The following ITPR1 variants were observed in gnomAD, a reference collection of about 807,000 sequenced individuals.
ITPR1 encodes the protein inositol 1,4,5-trisphosphate receptor type 1, also known as inositol 1,4,5-trisphosphate-gated calcium channel ITPR1.
Under a neutral mutation model 318.4 loss-of-function variants are expected in ITPR1, and 96 were observed. That is an observed-to-expected ratio of 0.30 (90% CI 0.26 to 0.36). The LOEUF is 0.36. Ranked by LOEUF, ITPR1 falls within the 10% of genes least tolerant of loss-of-function variation. ITPR1 has a pLI of 1.00. For synonymous variants in ITPR1, 1,312 were observed against 1,289.9 expected (o/e 1.02, Z -0.37); for missense variants, 2,440 against 3,460.2 (o/e 0.71, Z 7.40).
At chr3:4,781,537 C>A (rs746667264) in intron 49 of ITPR1, among the ~76,000 whole-genome samples, 1 of 152,104 alleles carries the variant, frequency 6.6e-6, no homozygotes, top group Non-Finnish European at 1.5e-5. Context: ...GAAATGTGCT[C>A]AAACCATGAG....
chr3:4,682,741 C>G (rs577030723), intron 26 of ITPR1, among the ~76,000 whole-genome samples: 2 of 152,158 alleles, frequency 1.3e-5, no homozygotes, highest in African/African-American at 2.4e-5. Flanking sequence ...ATTTATAAGT[C>G]TTCTCTGTGC....
At chr3:4,622,558 G>A (rs923150252) in intron 4 of ITPR1, among the ~76,000 whole-genome samples, 10 of 151,410 alleles carry the variant, frequency 6.6e-5, no homozygotes, top group Non-Finnish European at 1.3e-4. Flanking sequence ...TGAGTAGCTG[G>A]GACTACAGAT....
rs1261956927 is a variant in ITPR1, at chr3:4,801,074, C to A, written c.7107+474C>A. Among the ~76,000 whole-genome samples the A allele has an allele frequency of 3.3e-5, 5 of 152,184 alleles. No individual in the cohort carries two copies. The East Asian group carries it at 9.6e-4, about 29-fold the overall frequency. ...GGAGAGGGAAGAGGAGAAGCAGAGA[C>A]AATTCTTTAAAAGTCAGTGGTGACA... On this transcript the variant is annotated intron_variant, in intron 54 of 61. Transcript: ENST00000649015.
chr3:4,699,782 G>T, intron 34 of ITPR1, 31 bp from the exon 35 acceptor site: 4 of 1,609,516 alleles, frequency 2.5e-6, no homozygotes, highest in Non-Finnish European at 3.4e-6. Context: ...AGGTTTTGGT[G>T]TAATGCTTAA....
At chr3:4,556,449 C>G (rs1372300278) in intron 4 of ITPR1, among the ~76,000 whole-genome samples, 1 of 152,032 alleles carries the variant, frequency 6.6e-6, no homozygotes, top group Non-Finnish European at 1.5e-5. Context: ...CTAAGAATCT[C>G]TGTGCTCCTC....
intron 12 of ITPR1, among the ~76,000 whole-genome samples, chr3:4,654,983 A>G (rs1239521368): frequency 1.3e-5 from 2 of 151,910 alleles, no homozygotes; most frequent in Non-Finnish European, 2.9e-5. Flanking sequence ...TGTCACCCCT[A>G]TTTCTAGAGT....
intron 5 of ITPR1, among the ~76,000 whole-genome samples, chr3:4,636,987 A>G (rs1017549245): frequency 2.0e-5 from 3 of 152,260 alleles, no homozygotes; most frequent in Non-Finnish European, 4.4e-5. Context: ...ACATAATATT[A>G]GCATTTCTTA....
chr3:4,576,019 C>CAAAAAAAAAAAAAAAAAAAAAAA (rs35517382), intron 4 of ITPR1, among the ~76,000 whole-genome samples: 1 of 80,780 alleles, frequency 1.2e-5, no homozygotes, highest in African/African-American at 3.8e-5. Flanking sequence ...GATGCTGTCT[C>CAAAAAAAAAAAAAAAAAAAAAAA]AAAAAAAAAA....
chr3:4,811,540 T>G lies in ITPR1; in HGVS notation c.7468+80T>G, dbSNP rs545979401. The G allele has an allele frequency of 3.8e-4, 441 of 1,170,202 alleles. 2 individuals are homozygous for G. Among genetic ancestry groups the G allele is most frequent in the Non-Finnish European group, 4.7e-4 (376 of 807,608 alleles). The allele number at this position is 1,170,202 out of a possible 1,614,324, so 72.5% of individuals were successfully genotyped here. ...AACTGAACTAAAGAAAATAACGACT[T>G]TAGTAATGCAGATATCTCCCCATTG... On this transcript the variant is annotated intron_variant, in intron 56 of 61. Transcript: ENST00000649015.
At chr3:4,632,285 A>G (rs951958831) in intron 5 of ITPR1, among the ~76,000 whole-genome samples, 1 of 152,206 alleles carries the variant, frequency 6.6e-6, no homozygotes, top group African/African-American at 2.4e-5. Context: ...CTTTTCTGGT[A>G]TAAAGATCAT....
At chr3:4,744,904 CCTTCCTTCCTTCCTTCCTTCCT>C (rs1214715237) in intron 44 of ITPR1, among the ~76,000 whole-genome samples, 10 of 4,516 alleles carry the variant, frequency 2.2e-3, no homozygotes, top group East Asian at 0.067. Context: ...CTCCCTCCTT[CCTTCCTTCCTTCCTTCCTTCCT>C]TCCTTCCTTC....
intron 2 of ITPR1, among the ~76,000 whole-genome samples, chr3:4,508,321 T>C (rs955152661): frequency 6.6e-6 from 1 of 152,108 alleles, no homozygotes; most frequent in East Asian, 1.9e-4. Context: ...TCTCATTTCC[T>C]CCCAAGCCTG....
chr3:4,494,110 G>A (rs2080362607), intron 1 of ITPR1, among the ~76,000 whole-genome samples: 1 of 152,232 alleles, frequency 6.6e-6, no homozygotes, highest in Non-Finnish European at 1.5e-5. Context: ...GAGGATGCGG[G>A]CTTCGGATAC....
At chr3:4,680,531 C>G (rs534302272) in intron 24 of ITPR1, 22 bp from the exon 25 acceptor site, 1 of 1,608,438 alleles carries the variant, frequency 6.2e-7, no homozygotes, top group African/African-American at 1.3e-5. Context: ...CAATCTGTTT[C>G]CATTTCCACT....
chr3:4,556,416 T>C (rs1285837172), intron 4 of ITPR1, among the ~76,000 whole-genome samples: 2 of 152,192 alleles, frequency 1.3e-5, no homozygotes, highest in Non-Finnish European at 2.9e-5. Context: ...CACTGAAGTA[T>C]CGTACAGAAT....
chr3:4,736,310 C>T (rs1462887716), intron 44 of ITPR1, among the ~76,000 whole-genome samples: 6 of 152,340 alleles, frequency 3.9e-5, no homozygotes, highest in East Asian at 3.9e-4. Context: ...TTCGGAGTCT[C>T]GGTTAATGAA....
chr3:4,713,383 T>C (rs767948693), intron 39 of ITPR1, among the ~76,000 whole-genome samples: 1 of 152,232 alleles, frequency 6.6e-6, no homozygotes, highest in Admixed American at 6.5e-5. Flanking sequence ...TAAAGTAAAC[T>C]TCGGTGCCTC....
intron 4 of ITPR1, among the ~76,000 whole-genome samples, chr3:4,581,677 A>G (rs1413525689): frequency 3.9e-5 from 6 of 152,256 alleles, no homozygotes; most frequent in Non-Finnish European, 8.8e-5. Context: ...TTGTGATGCA[A>G]AAATGACTGT....
At chr3:4,508,400 A>G (rs1193147163) in intron 2 of ITPR1, among the ~76,000 whole-genome samples, 1 of 150,542 alleles carries the variant, frequency 6.6e-6, no homozygotes, top group African/African-American at 2.5e-5. Flanking sequence ...CTTTAGTCTC[A>G]GTTTCAGGAG....
Sources: gnomAD v4.1 joint callset for allele counts (sites outside exome capture counted in the v4.1 genomes callset) on GRCh38, gnomAD v4.1.1 for gene constraint, MANE v1.5 for transcripts, NCBI Gene and HGNC (gene_info 2026-07-23, HGNC 2026-07-21) for gene names.